LY6K: variants seen among roughly 807,000 people sequenced by gnomAD.
LY6K encodes lymphocyte antigen 6 family member K.
In LY6K, 9 loss-of-function variants were observed where a neutral mutation model predicts 10.4. The observed-to-expected ratio is 0.87, with a 90% confidence interval of 0.52 to 1.52. The LOEUF (loss-of-function observed/expected upper bound fraction) is 1.52, where lower values mean the gene tolerates loss of function less well. Among genes scored for constraint, LY6K ranks in the 40% most tolerant of loss-of-function variants. LY6K has a pLI of 0.00. For synonymous variants in LY6K, 98 were observed against 83.7 expected, an observed-to-expected ratio of 1.17 and a Z score of -0.94; for missense variants, 217 against 211.7, an observed-to-expected ratio of 1.02 and a Z score of -0.15.
chr8:142,701,576 TTTC>T, intron 1 of LY6K, 21 bp from the exon 2 acceptor site: 1 of 1,501,988 alleles, frequency 6.7e-7, no homozygotes, highest in Non-Finnish European at 9.3e-7. Context: ...AACATTCTGC[TTTC>T]TTTTTTATTC....
intron 2 of LY6K, chr8:142,702,457 C>T: frequency 6.5e-7 from 1 of 1,530,138 alleles, no homozygotes; most frequent in African/African-American, 1.4e-5. Context: ...ACATGAAGCC[C>T]TCCCCAAGGG....
Position 142,700,251 on chromosome 8 carries a change from G to A in LY6K, c.-277G>A. 1 of 1,038,354 alleles carries A rather than the reference G, an allele frequency of 9.6e-7. No individual in the cohort carries two copies. Among genetic ancestry groups the A allele is most frequent in the Non-Finnish European group, 1.2e-6 (1 of 824,210 alleles). 64.3% of individuals were successfully genotyped at this position (1,038,354 alleles called of 1,614,324 possible). A position where few individuals can be genotyped will look rare whatever the true frequency, so the allele number is the denominator to read the frequency against. On this transcript the variant is annotated 5_prime_UTR_variant, in exon 1 of 3. Transcript: ENST00000292430. ...CGTTTCCACACGCGCCTTTCCCAGG[G>A]CTCCCGCGCCCGTTCCTGCCTGGCC...
At position 142,700,572 on chromosome 8, in the gene LY6K, G is replaced by T. The variant is rs782550485; in HGVS notation, c.45G>T (p.Val15=). 1 of 1,586,194 alleles carries T rather than the reference G, an allele frequency of 6.3e-7. No individual in the cohort carries two copies. Residue 15 remains valine, a synonymous_variant, in exon 1 of 3, where the codon GTG becomes GTT. Coordinates refer to ENST00000292430, the MANE Select transcript of LY6K (RefSeq NM_017527.4). ...ALLLVVALPR[V]WTDANLTARQ... Reference sequence around the variant, plus strand: ...TGCTGGTCGTGGCCCTACCGCGGGTGTGGACAGACGCCAACCTGACTGCGA... The same window carrying T: ...TGCTGGTCGTGGCCCTACCGCGGGTTTGGACAGACGCCAACCTGACTGCGA...
At position 142,704,976 on chromosome 8, in the gene LY6K, A is replaced by G. The variant is rs1320884819; in HGVS notation, c.*1605A>G. 2 of 152,184 alleles carry G rather than the reference A, an allele frequency of 1.3e-5. No individual in the cohort carries two copies. Among genetic ancestry groups the G allele is most frequent in the Non-Finnish European group, 2.9e-5 (2 of 68,046 alleles). 9.4% of individuals were successfully genotyped at this position (152,184 alleles called of 1,614,324 possible). On this transcript the variant is annotated 3_prime_UTR_variant, in exon 3 of 3. Transcript: ENST00000292430. ...CCTTGGGATACCTACAGCGTTGGCT[A>G]TTGTTTCTGCTGCTATTAATCAGTC...
intron 2 of LY6K, chr8:142,702,204 T>C (rs1554640283): frequency 6.4e-6 from 3 of 469,840 alleles, no homozygotes; most frequent in Non-Finnish European, 7.7e-6. Context: ...CTACAGTGGG[T>C]CCAGATGAAA....
rs1238218165 is a variant in LY6K, at chr8:142,703,164, A to G, written c.291A>G (p.Pro97=). The stretch of plus-strand genomic sequence containing the variant: ...GTGCAGCGATGGAGAGACCCAAGCC[A>G]GAGGAGAAGCGGTTTCTCCTGGAAG... ...AGCAAMERPK[P]EEKRFLLEEP... The change falls in exon 3 of 3, where the codon CCA becomes CCG. Residue 97 remains proline, a synonymous_variant. Transcript: ENST00000292430. 1 of 1,614,234 alleles carries G rather than the reference A, an allele frequency of 6.2e-7. No homozygotes were observed. The highest frequency in any genetic ancestry group is 1.7e-5 in the Admixed American group (1 of 60,030).
chr8:142,700,540 G>A lies in LY6K; in HGVS notation c.13G>A (p.Ala5Thr), dbSNP rs782398726. 3.8e-6 allele frequency: 6 copies of A among 1,582,670 alleles called. No individual in the cohort carries two copies. The African/African-American group carries it at 5.5e-5, about 15-fold the overall frequency. MALL[A>T]LLLVVALPRV... The stretch of plus-strand genomic sequence containing the variant: ...ACCGCTGGGGACGATGGCGCTGCTC[G>A]CCTTGCTGCTGGTCGTGGCCCTACC... Residue 5 changes from alanine (A) to threonine (T), a missense_variant, in exon 1 of 3, where the codon GCC becomes ACC. Coordinates refer to ENST00000292430, the MANE Select transcript of LY6K (RefSeq NM_017527.4).
intron 2 of LY6K, chr8:142,701,996 T>A (rs1554640250): frequency 6.0e-6 from 2 of 333,608 alleles, no homozygotes; most frequent in Admixed American, 4.4e-5. Context: ...TTAGTAGAGG[T>A]GGGGTTTCAC....
chr8:142,701,729 C>T lies in LY6K; in HGVS notation c.217+16C>T, dbSNP rs1815044966. ...GCGGCCGTGAGTGAGTATCTTCGCT[C>T]TTGTTGGGGACCCAAAGGCAGGTGA... is the stretch of plus-strand genomic sequence containing the variant. On this transcript the variant is annotated intron_variant, in intron 2 of 2. Transcript: ENST00000292430. The T allele has an allele frequency of 1.3e-6, 2 of 1,563,952 alleles. No individual in the cohort carries two copies. The highest frequency in any genetic ancestry group is 1.4e-5 in the African/African-American group (1 of 73,892).
In LY6K at chr8:142,700,499, C is replaced by A; in HGVS notation, c.-29C>A. 1 of 1,556,040 alleles carries A rather than the reference C, an allele frequency of 6.4e-7. No individual in the cohort carries two copies. Among genetic ancestry groups the A allele is most frequent in the Admixed American group, 1.9e-5 (1 of 52,672 alleles). On this transcript the variant is annotated 5_prime_UTR_variant, in exon 1 of 3. The change creates a new upstream start codon in the 5' untranslated region. Coordinates refer to ENST00000292430, the MANE Select transcript of LY6K (RefSeq NM_017527.4). ...AAGGGCGGGGAGGGGGCGCCGCGCG[C>A]TGACCCTCCCTGGGCACCGCTGGGG...
Position 142,701,610 on chromosome 8 carries a change from C to T in LY6K, c.114C>T (p.Asp38=). Residue 38 remains aspartate, a synonymous_variant, in exon 2 of 3, where the codon GAC becomes GAT. Coordinates refer to ENST00000292430, the MANE Select transcript of LY6K (RefSeq NM_017527.4). ...PEDSQRTDEG[D]NRVWCHVCER... is the part of the protein sequence containing the mutation. The stretch of plus-strand genomic sequence containing the variant: ...TATTCCTCCTTTCAGACGAGGGTGA[C>T]AATAGAGTGTGGTGTCATGTTTGTG... 1 of 1,609,146 alleles carries T rather than the reference C, an allele frequency of 6.2e-7. No homozygotes were observed. Among genetic ancestry groups the T allele is most frequent in the Non-Finnish European group, 8.5e-7 (1 of 1,175,542 alleles).
In LY6K at chr8:142,700,336, C is replaced by T. The variant is rs782331257; in HGVS notation, c.-192C>T. The T allele has an allele frequency of 6.9e-6, 9 of 1,305,830 alleles. No individual in the cohort carries two copies. Among genetic ancestry groups the T allele is most frequent in the South Asian group, 2.0e-5 (1 of 49,592 alleles). The allele number at this position is 1,305,830 out of a possible 1,614,324, so 80.9% of individuals were successfully genotyped here. A position where few individuals can be genotyped will look rare whatever the true frequency, so the allele number is the denominator to read the frequency against. On this transcript the variant is annotated 5_prime_UTR_variant, in exon 1 of 3. Transcript: ENST00000292430. ...CAGAACCGGCGTTCAGGGCCGCCAG[C>T]GGCCGCGAGGCCCTGAGATGAGGCT...
Position 142,703,532 on chromosome 8 carries a change from C to T in LY6K, c.*161C>T. On this transcript the variant is annotated 3_prime_UTR_variant, in exon 3 of 3. Coordinates refer to ENST00000292430, the MANE Select transcript of LY6K (RefSeq NM_017527.4). ...GATCAGGTGCAGTTGGCTCTTAACCCTCAAGGGTTCTTTAACTCACATTCA... is the reference window on the plus strand; with the variant it reads ...GATCAGGTGCAGTTGGCTCTTAACCTTCAAGGGTTCTTTAACTCACATTCA... 1 of 769,998 alleles carries T rather than the reference C, an allele frequency of 1.3e-6. No individual in the cohort carries two copies. The highest frequency in any genetic ancestry group is 2.7e-5 in the East Asian group (1 of 36,844). 47.7% of individuals were successfully genotyped at this position (769,998 alleles called of 1,614,324 possible).
At position 142,703,504 on chromosome 8, in the gene LY6K, G is replaced by A. The variant is rs1815127097; in HGVS notation, c.*133G>A. ...TCCCAGGGTCTTGGGATGGGAGAGTGGGGATCAGGTGCAGTTGGCTCTTAA... is the reference window on the plus strand; with the variant it reads ...TCCCAGGGTCTTGGGATGGGAGAGTAGGGATCAGGTGCAGTTGGCTCTTAA... On this transcript the variant is annotated 3_prime_UTR_variant, in exon 3 of 3. Transcript: ENST00000292430. 9.0e-7 allele frequency: 1 copy of A among 1,108,970 alleles called. No homozygotes were observed. Among genetic ancestry groups the A allele is most frequent in the Non-Finnish European group, 1.3e-6 (1 of 798,340 alleles). 68.7% of individuals were successfully genotyped at this position (1,108,970 alleles called of 1,614,324 possible).
intron 1 of LY6K, among the ~76,000 whole-genome samples, chr8:142,700,958 C>T (rs1397514778): frequency 6.6e-6 from 1 of 151,508 alleles, no homozygotes; most frequent in Admixed American, 6.6e-5. Flanking sequence ...CCGGCTCCTC[C>T]TGCAGAGCTA....
chr8:142,700,900 C>T (rs1192854941), intron 1 of LY6K, among the ~76,000 whole-genome samples: 1 of 152,138 alleles, frequency 6.6e-6, no homozygotes, highest in South Asian at 2.1e-4. Flanking sequence ...CCGGCCTGGC[C>T]TCCGGGGGCT....
At position 142,701,611 on chromosome 8, in the gene LY6K, A is replaced by G. The variant is rs1554640133; in HGVS notation, c.115A>G (p.Asn39Asp). 6.2e-7 allele frequency: 1 copy of G among 1,610,218 alleles called. No homozygotes were observed. The highest frequency in any genetic ancestry group is 8.5e-7 in the Non-Finnish European group (1 of 1,176,436). The change falls in exon 2 of 3, where the codon AAT becomes GAT. Residue 39 changes from asparagine to aspartate, a missense_variant. Asn to Asp is a conservative substitution (Grantham distance 23). Coordinates refer to ENST00000292430, the MANE Select transcript of LY6K (RefSeq NM_017527.4). ...EDSQRTDEGDNRVWCHVCERE... is the reference protein window; with the variant it reads ...EDSQRTDEGDDRVWCHVCERE... Reference sequence around the variant, plus strand: ...ATTCCTCCTTTCAGACGAGGGTGACAATAGAGTGTGGTGTCATGTTTGTGA... The same window carrying G: ...ATTCCTCCTTTCAGACGAGGGTGACGATAGAGTGTGGTGTCATGTTTGTGA...
Position 142,703,553 on chromosome 8 carries a change from A to G in LY6K, c.*182A>G. On this transcript the variant is annotated 3_prime_UTR_variant, in exon 3 of 3. Coordinates refer to ENST00000292430, the MANE Select transcript of LY6K (RefSeq NM_017527.4). ...AACCCTCAAGGGTTCTTTAACTCAC[A>G]TTCAGAGGAAGTCCAGATCTCCTGA... 1 of 649,390 alleles carries G rather than the reference A, an allele frequency of 1.5e-6. No homozygotes were observed. Among genetic ancestry groups the G allele is most frequent in the Non-Finnish European group, 2.6e-6 (1 of 391,676 alleles). 40.2% of individuals were successfully genotyped at this position (649,390 alleles called of 1,614,324 possible).
At chr8:142,701,453 C>T (rs1815029077) in intron 1 of LY6K, 147 bp from the exon 2 acceptor site, 5 of 633,662 alleles carry the variant, frequency 7.9e-6, no homozygotes, top group Non-Finnish European at 1.4e-5. Context: ...CCCCATGCGG[C>T]TCACTCGAGT....
Sources: gnomAD v4.1 joint callset for allele counts (sites outside exome capture counted in the v4.1 genomes callset) on GRCh38, gnomAD v4.1.1 for gene constraint, MANE v1.5 for transcripts, NCBI Gene and HGNC (gene_info 2026-07-23, HGNC 2026-07-21) for gene names.